MSRB2: variants seen among roughly 807,000 people sequenced by gnomAD.
MSRB2 encodes methionine sulfoxide reductase B2.
Under a neutral mutation model 19.0 loss-of-function variants are expected in MSRB2, and 17 were observed. The ratio of observed to expected loss-of-function variants is 0.89; its 90% CI spans 0.61 to 1.34. MSRB2 has a LOEUF of 1.34. MSRB2 is among the 40% of genes most tolerant of loss of function. The pLI is 0.00. For missense variants in MSRB2, 208 were observed against 237.6 expected, an observed-to-expected ratio of 0.88 and a Z score of 0.82; for synonymous variants, 107 against 99.7, an observed-to-expected ratio of 1.07 and a Z score of -0.44.
At chr10:23,112,256 T>G (rs1179701236) in intron 3 of MSRB2, among the ~76,000 whole-genome samples, 2 of 152,252 alleles carry the variant, frequency 1.3e-5, no homozygotes, top group Non-Finnish European at 2.9e-5. Context: ...TTGCTGCTAC[T>G]GCAGCTGAAG....
rs1840179385 is a variant in MSRB2 at position 23,121,197 on chromosome 10, G to T, written c.*335G>T. The T allele has an allele frequency of 4.4e-6, 1 of 228,348 alleles. No homozygotes were observed. Among genetic ancestry groups the T allele is most frequent in the Non-Finnish European group, 8.6e-6 (1 of 116,364 alleles). The allele number at this position is 228,348 out of a possible 1,614,324, so 14.1% of individuals were successfully genotyped here. ...AGAGGTTTAATTGACTCACAGTTCT[G>T]CAGGGTGTACAGAAAGCATGGTGCC... On this transcript the variant is annotated 3_prime_UTR_variant, in exon 5 of 5. Transcript: ENST00000376510.
At chr10:23,105,221 T>A (rs1839973829) in intron 2 of MSRB2, among the ~76,000 whole-genome samples, 1 of 151,812 alleles carries the variant, frequency 6.6e-6, no homozygotes, top group African/African-American at 2.4e-5. Flanking sequence ...TCTGTGTGTG[T>A]GTGTGTGTGT....
chr10:23,095,735 CG>C lies in MSRB2; in HGVS notation c.118+12del. ...GGGACTGGGGGAGGCAGGTAGGACGCGGGTCCCGCAGGCCCCGCCGCCGCCT... is the reference window on the plus strand; with the variant it reads ...GGGACTGGGGGAGGCAGGTAGGACGCGGTCCCGCAGGCCCCGCCGCCGCCT... On this transcript the variant is annotated intron_variant, in intron 1 of 4. Coordinates refer to ENST00000376510, the MANE Select transcript of MSRB2 (RefSeq NM_012228.4). 8.0e-7 allele frequency: 1 copy of C among 1,245,960 alleles called. No homozygotes were observed. Among genetic ancestry groups the C allele is most frequent in the Non-Finnish European group, 1.0e-6 (1 of 995,780 alleles). The allele number at this position is 1,245,960 out of a possible 1,614,324, so 77.2% of individuals were successfully genotyped here. A position where few individuals can be genotyped will look rare whatever the true frequency, so the allele number is the denominator to read the frequency against.
In MSRB2 at chr10:23,106,606, G is replaced by A. The variant is rs534874327; in HGVS notation, c.219+2362G>A. 5.9e-5 allele frequency among the ~76,000 whole-genome samples: 9 copies of A among 152,286 alleles called. No individual in the cohort carries two copies. In the South Asian group the frequency reaches 1.7e-3, roughly 28 times the overall value. ...GATCAAAAGGTGGGATGGAGAAATCGCTAGAGCCCAGCGTTCTCTCTGTGG... is the reference window on the plus strand; with the variant it reads ...GATCAAAAGGTGGGATGGAGAAATCACTAGAGCCCAGCGTTCTCTCTGTGG... On this transcript the variant is annotated intron_variant, in intron 2 of 4. Coordinates refer to ENST00000376510, the MANE Select transcript of MSRB2 (RefSeq NM_012228.4).
chr10:23,105,912 G>C (rs1041113372), intron 2 of MSRB2, among the ~76,000 whole-genome samples: 15 of 152,198 alleles, frequency 9.9e-5, no homozygotes, highest in Non-Finnish European at 1.5e-5. Context: ...TAAAGCCCTT[G>C]TTGGGAAAGA....
rs76764062 is a variant in MSRB2, at chr10:23,109,997, G to A, written c.220-245G>A. On this transcript the variant is annotated intron_variant, in intron 2 of 4. Transcript: ENST00000376510. ...TTGATGCTCTTGGATGAAAAGTCCT[G>A]TATGAATACAAAGATTATCAAAGTC... 1.6e-3 allele frequency among the ~76,000 whole-genome samples: 237 copies of A among 152,334 alleles called. 1 individual carries two copies. Among genetic ancestry groups the A allele is most frequent in the African/African-American group, 5.4e-3 (226 of 41,568 alleles).
chr10:23,110,352 C>G (rs1210405845), intron 3 of MSRB2, 34 bp downstream of exon 3: 2 of 1,534,458 alleles, frequency 1.3e-6, no homozygotes, highest in African/African-American at 2.7e-5. Context: ...CGGAAGGAGA[C>G]CAAACCTCCA....
At chr10:23,107,141 C>T (rs975723118) in intron 2 of MSRB2, among the ~76,000 whole-genome samples, 3 of 152,230 alleles carry the variant, frequency 2.0e-5, no homozygotes, top group Admixed American at 1.3e-4. Flanking sequence ...TCGGATTGCC[C>T]TCTGCCTCTG....
intron 3 of MSRB2, among the ~76,000 whole-genome samples, chr10:23,116,974 G>A (rs2131633302): frequency 6.6e-6 from 1 of 152,274 alleles, no homozygotes; most frequent in African/African-American, 2.4e-5. Flanking sequence ...AACCACAAAA[G>A]GGAGAGGGTA....
At chr10:23,102,961 T>C (rs1839941302) in intron 1 of MSRB2, among the ~76,000 whole-genome samples, 1 of 152,138 alleles carries the variant, frequency 6.6e-6, no homozygotes, top group South Asian at 2.1e-4. Context: ...TCTATTTTCA[T>C]AGCAAAAAGA....
chr10:23,099,870 A>T (rs1839907955), intron 1 of MSRB2, among the ~76,000 whole-genome samples: 1 of 152,262 alleles, frequency 6.6e-6, no homozygotes, highest in South Asian at 2.1e-4. Flanking sequence ...AAGCGAAAGA[A>T]GTACATGTTT....
intron 3 of MSRB2, among the ~76,000 whole-genome samples, chr10:23,116,848 G>A (rs570328664): frequency 6.6e-6 from 1 of 152,228 alleles, no homozygotes; most frequent in East Asian, 1.9e-4. Context: ...CTTCACCCTC[G>A]CCTGGCATGG....
chr10:23,099,939 C>T (rs544656591), intron 1 of MSRB2, among the ~76,000 whole-genome samples: 1 of 152,306 alleles, frequency 6.6e-6, no homozygotes, highest in East Asian at 1.9e-4. Context: ...TCCCACTTTC[C>T]AGTGTCAGCT....
chr10:23,117,572 C>T (rs535256981), intron 3 of MSRB2, among the ~76,000 whole-genome samples: 1 of 152,270 alleles, frequency 6.6e-6, no homozygotes, highest in African/African-American at 2.4e-5. Context: ...TTGAGCATCT[C>T]TACTCTGAAA....
At chr10:23,100,281 A>G (rs1839913463) in intron 1 of MSRB2, among the ~76,000 whole-genome samples, 1 of 152,178 alleles carries the variant, frequency 6.6e-6, no homozygotes, top group Non-Finnish European at 1.5e-5. Flanking sequence ...AACCCAGGAC[A>G]TACACTCTTT....
In MSRB2 at chr10:23,118,337, G is replaced by GTTTTTTTT. The variant is rs35011086; in HGVS notation, c.297-955_297-948dup. The stretch of plus-strand genomic sequence containing the variant: ...CTTTTTCTTCTTAGATTAGTTTTTT[G>GTTTTTTTT]TTTTTTTTTTTTTTTTTTTGGCTGG... On this transcript the variant is annotated intron_variant, in intron 3 of 4. Coordinates refer to ENST00000376510, the MANE Select transcript of MSRB2 (RefSeq NM_012228.4). 4.4e-3 allele frequency among the ~76,000 whole-genome samples: 409 copies of GTTTTTTTT among 92,004 alleles called. 2 individuals are homozygous for GTTTTTTTT. Among genetic ancestry groups the GTTTTTTTT allele is most frequent in the East Asian group, 7.7e-3 (22 of 2,858 alleles). The allele number at this position is 92,004 out of a possible 152,430, so 60.4% of individuals were successfully genotyped here. A position where few individuals can be genotyped will look rare whatever the true frequency, so the allele number is the denominator to read the frequency against.
At chr10:23,109,540 C>CA (rs71395829) in intron 2 of MSRB2, among the ~76,000 whole-genome samples, 78,501 of 138,064 alleles carry the variant, frequency 0.57, 22,325 homozygotes, top group Non-Finnish European at 0.64. Context: ...GACTTCATCT[C>CA]AAAAAAAAAA....
Position 23,104,221 on chromosome 10 carries a change from A to G in MSRB2, c.196A>G (p.Thr66Ala), listed in dbSNP as rs181802942. ...ACTAACCCCGGAGCAGTTCTACGTC[A>G]CAAGAGAAAAGGGAACGGAACCGGT... ...KKLTPEQFYV[T>A]REKGTEPPFS... is the part of the protein sequence containing the mutation. The change falls in exon 2 of 5, where the codon ACA (threonine) becomes GCA (alanine). Residue 66 changes from threonine to alanine, a missense_variant. Physicochemically the swap from Thr to Ala is moderately conservative, Grantham distance 58. Coordinates refer to ENST00000376510, the MANE Select transcript of MSRB2 (RefSeq NM_012228.4). 2,097 of 1,613,704 alleles carry G rather than the reference A, an allele frequency of 1.3e-3. 1 individual carries two copies. Among genetic ancestry groups the G allele is most frequent in the Non-Finnish European group, 1.6e-3 (1,934 of 1,179,810 alleles).
chr10:23,116,969 CA>C (rs1284408500), intron 3 of MSRB2, among the ~76,000 whole-genome samples: 2 of 152,152 alleles, frequency 1.3e-5, no homozygotes, highest in Non-Finnish European at 2.9e-5. Context: ...GTCTAAACCA[CA>C]AAAGGGAGAG....
Sources: gnomAD v4.1 joint callset for allele counts (sites outside exome capture counted in the v4.1 genomes callset) on GRCh38, gnomAD v4.1.1 for gene constraint, MANE v1.5 for transcripts, NCBI Gene and HGNC (gene_info 2026-07-23, HGNC 2026-07-21) for gene names.